MAPK8: variants seen among roughly 807,000 people sequenced by gnomAD.
MAPK8 encodes the protein mitogen-activated protein kinase 8.
Under a neutral mutation model 52.9 loss-of-function variants are expected in MAPK8, and 13 were observed. That is an observed-to-expected ratio of 0.25 (90% CI 0.16 to 0.39). The LOEUF is 0.39. MAPK8 is among the 10% of genes least tolerant of loss of function. MAPK8 has a pLI of 1.00. For synonymous variants in MAPK8, 191 were observed against 169.8 expected (o/e 1.12, Z -0.97); for missense variants, 300 against 519.2 (o/e 0.58, Z 4.10).
intron 1 of MAPK8, among the ~76,000 whole-genome samples, chr10:48,323,376 A>G (rs1256881440): frequency 1.3e-5 from 2 of 152,196 alleles, no homozygotes. Context: ...AAATTTTTAA[A>G]TTTCGCAGAG....
At position 48,425,446 on chromosome 10, in the gene MAPK8, G is replaced by GA. The variant is rs1589267447; in HGVS notation, c.689-438dup. The GA allele has an allele frequency of 2.8e-5, 12 of 426,290 alleles. No homozygotes were observed. In the East Asian group the frequency reaches 4.3e-4, roughly 15 times the overall value. 26.4% of individuals were successfully genotyped at this position (426,290 alleles called of 1,614,324 possible). On this transcript the variant is annotated intron_variant, in intron 7 of 11. Transcript: ENST00000374189. ...CAACTGATTATTTTCTGTTAGTGTA[G>GA]AAAACTCAGTAAAACAGGATGTGTT...
intron 1 of MAPK8, among the ~76,000 whole-genome samples, chr10:48,343,544 A>C (rs543346584): frequency 5.3e-5 from 8 of 152,316 alleles, no homozygotes; most frequent in Non-Finnish European, 1.2e-4. Flanking sequence ...CTGCCACTCA[A>C]GGGAAGAAAA....
intron 1 of MAPK8, among the ~76,000 whole-genome samples, chr10:48,339,092 TATTC>T (rs2132317661): frequency 6.6e-6 from 1 of 152,222 alleles, no homozygotes; most frequent in Non-Finnish European, 1.5e-5. Flanking sequence ...ACAATTCTAA[TATTC>T]ATGTGGAAAT....
intron 1 of MAPK8, among the ~76,000 whole-genome samples, chr10:48,340,122 C>T (rs1845105922): frequency 6.6e-6 from 1 of 152,112 alleles, no homozygotes. Context: ...GCATGCAGCA[C>T]TATTCACAAT....
intron 1 of MAPK8, among the ~76,000 whole-genome samples, chr10:48,344,279 A>G (rs1474063932): frequency 2.6e-5 from 4 of 152,200 alleles, no homozygotes; most frequent in Admixed American, 1.3e-4. Context: ...TTCTATATGC[A>G]TTTTTAAACC....
chr10:48,359,058 A>C (rs960685516), intron 1 of MAPK8, among the ~76,000 whole-genome samples: 1 of 152,204 alleles, frequency 6.6e-6, no homozygotes, highest in Non-Finnish European at 1.5e-5. Flanking sequence ...GCTTTATCTT[A>C]TAAAAAACCC....
intron 5 of MAPK8, among the ~76,000 whole-genome samples, chr10:48,417,206 G>A (rs1233838596): frequency 1.3e-5 from 2 of 152,176 alleles, no homozygotes; most frequent in African/African-American, 4.8e-5. Flanking sequence ...TTTGGCGTTA[G>A]GTCTGACAGT....
chr10:48,377,245 A>T (rs1053507481), intron 1 of MAPK8, among the ~76,000 whole-genome samples: 1 of 152,124 alleles, frequency 6.6e-6, no homozygotes, highest in African/African-American at 2.4e-5. Flanking sequence ...GCATTAGGAG[A>T]AATACCTAAT....
At chr10:48,329,117 A>G (rs930086223) in intron 1 of MAPK8, among the ~76,000 whole-genome samples, 5 of 152,208 alleles carry the variant, frequency 3.3e-5, no homozygotes, top group Non-Finnish European at 7.4e-5. Context: ...AAACTCAGGC[A>G]AGATGAAGTT....
intron 1 of MAPK8, among the ~76,000 whole-genome samples, chr10:48,352,936 A>C (rs576452398): frequency 6.6e-6 from 1 of 152,340 alleles, no homozygotes; most frequent in East Asian, 1.9e-4. Flanking sequence ...AAAGCAATTG[A>C]ATTTCTCTAC....
In MAPK8 at chr10:48,404,751, G is replaced by A. The variant is rs75110986; in HGVS notation, c.123-101G>A. On this transcript the variant is annotated intron_variant, in intron 2 of 11. Coordinates refer to ENST00000374189, the MANE Select transcript of MAPK8 (RefSeq NM_001323329.2). ...AGACTTGGAAGGGATCCAGTTACTT[G>A]TCTTTGGAGAAAGTGAGAAATGTAT... 4.1e-3 allele frequency: 3,503 copies of A among 846,838 alleles called. 95 individuals are homozygous for A. In the African/African-American group the frequency reaches 0.053, roughly 13 times the overall value. The allele number at this position is 846,838 out of a possible 1,614,324, so 52.5% of individuals were successfully genotyped here.
At chr10:48,310,060 A>G (rs1000128286) in intron 1 of MAPK8, among the ~76,000 whole-genome samples, 1 of 152,226 alleles carries the variant, frequency 6.6e-6, no homozygotes, top group African/African-American at 2.4e-5. Context: ...ACTGAAAGGT[A>G]ACAGGAGTAT....
At chr10:48,391,851 G>A (rs901909606) in intron 1 of MAPK8, among the ~76,000 whole-genome samples, 3 of 152,134 alleles carry the variant, frequency 2.0e-5, no homozygotes, top group African/African-American at 7.2e-5. Context: ...TTACAAAACT[G>A]AGGGAAACAC....
At chr10:48,320,386 T>A (rs1023741033) in intron 1 of MAPK8, among the ~76,000 whole-genome samples, 1 of 151,764 alleles carries the variant, frequency 6.6e-6, no homozygotes, top group Non-Finnish European at 1.5e-5. Flanking sequence ...CACAGGCACA[T>A]GCCACCACAC....
At chr10:48,431,353 C>A in intron 11 of MAPK8, 83 bp downstream of exon 11, 1 of 848,942 alleles carries the variant, frequency 1.2e-6, no homozygotes, top group South Asian at 1.6e-5. Flanking sequence ...TGCAGTTCTT[C>A]CCATATTTAC....
intron 3 of MAPK8, among the ~76,000 whole-genome samples, chr10:48,405,188 T>G (rs1442836605): frequency 6.6e-6 from 1 of 151,870 alleles, no homozygotes; most frequent in Non-Finnish European, 1.5e-5. Flanking sequence ...TTCTAAAATT[T>G]AGATTATATG....
At chr10:48,308,936 A>C (rs1841673134) in intron 1 of MAPK8, among the ~76,000 whole-genome samples, 1 of 152,242 alleles carries the variant, frequency 6.6e-6, no homozygotes, top group African/African-American at 2.4e-5. Flanking sequence ...AAAGAATATG[A>C]AATGAGTTAA....
At chr10:48,380,697 C>T (rs1424634016) in intron 1 of MAPK8, among the ~76,000 whole-genome samples, 3 of 152,178 alleles carry the variant, frequency 2.0e-5, no homozygotes, top group Admixed American at 6.5e-5. Context: ...CACGCCAGTG[C>T]GCTCCAGCAT....
chr10:48,349,632 G>A (rs982116609), intron 1 of MAPK8, among the ~76,000 whole-genome samples: 4 of 152,088 alleles, frequency 2.6e-5, no homozygotes, highest in African/African-American at 9.7e-5. Context: ...TGTTTAGAAG[G>A]AAATTTATAG....
Sources: gnomAD v4.1 joint callset for allele counts (sites outside exome capture counted in the v4.1 genomes callset) on GRCh38, gnomAD v4.1.1 for gene constraint, MANE v1.5 for transcripts, NCBI Gene and HGNC (gene_info 2026-07-23, HGNC 2026-07-21) for gene names.